PTPRN2: variants seen among roughly 807,000 people sequenced by gnomAD.
PTPRN2 encodes the protein receptor-type tyrosine-protein phosphatase N2.
A neutral mutation model predicts 118.8 loss-of-function variants in PTPRN2; 74 were observed. That is an observed-to-expected ratio of 0.62 (90% CI 0.52 to 0.76). The LOEUF is 0.76. PTPRN2 is among the 30% of genes least tolerant of loss of function. PTPRN2 has a pLI of 0.00. For missense variants in PTPRN2, 1,481 were observed against 1,394.4 expected, an observed-to-expected ratio of 1.06 and a Z score of -0.99; for synonymous variants, 641 against 608.0, an observed-to-expected ratio of 1.05 and a Z score of -0.80.
At chr7:158,329,427 G>A (rs1006303819) in intron 2 of PTPRN2, among the ~76,000 whole-genome samples, 1 of 152,226 alleles carries the variant, frequency 6.6e-6, no homozygotes, top group Non-Finnish European at 1.5e-5. Context: ...CCAGCCCCGG[G>A]TGCTGCTGTT....
chr7:158,151,123 C>T (rs1174609358), intron 6 of PTPRN2, among the ~76,000 whole-genome samples: 2 of 99,028 alleles, frequency 2.0e-5, no homozygotes, highest in African/African-American at 4.8e-5. Context: ...TACCCCTGCC[C>T]ACACCGCCCG....
At chr7:158,070,800 G>T (rs1811289967) in intron 11 of PTPRN2, among the ~76,000 whole-genome samples, 1 of 130,874 alleles carries the variant, frequency 7.6e-6, no homozygotes, top group Non-Finnish European at 1.6e-5. Flanking sequence ...TGGTGGAGGT[G>T]CCCGTGGTGG....
chr7:157,637,671 G>A (rs2150685572), intron 14 of PTPRN2, among the ~76,000 whole-genome samples: 1 of 152,314 alleles, frequency 6.6e-6, no homozygotes, highest in Admixed American at 6.5e-5. Flanking sequence ...CCCGACCCAG[G>A]AGAAGCAGCC....
At chr7:157,945,956 T>G (rs184732454) in intron 11 of PTPRN2, among the ~76,000 whole-genome samples, 11 of 152,168 alleles carry the variant, frequency 7.2e-5, no homozygotes, top group African/African-American at 2.6e-4. Flanking sequence ...CTGGGCCCAG[T>G]CCAGGTTCTG....
At chr7:157,715,871 C>A (rs972437430) in intron 12 of PTPRN2, among the ~76,000 whole-genome samples, 1 of 152,238 alleles carries the variant, frequency 6.6e-6, no homozygotes, top group Non-Finnish European at 1.5e-5. Context: ...GCACTCCAGG[C>A]AGGCTGCATG....
At chr7:158,328,621 G>C (rs1210153150) in intron 2 of PTPRN2, among the ~76,000 whole-genome samples, 1 of 151,892 alleles carries the variant, frequency 6.6e-6, no homozygotes, top group Admixed American at 6.6e-5. Flanking sequence ...CTTGTGTGAG[G>C]AGCAGGGCCC....
intron 3 of PTPRN2, among the ~76,000 whole-genome samples, chr7:158,276,090 A>T (rs1287684670): frequency 6.6e-6 from 1 of 152,094 alleles, no homozygotes; most frequent in Non-Finnish European, 1.5e-5. Flanking sequence ...AGCTGCCTCC[A>T]GGGGTGCGTC....
intron 11 of PTPRN2, among the ~76,000 whole-genome samples, chr7:157,939,441 G>C (rs774413268): frequency 2.6e-5 from 4 of 152,244 alleles, no homozygotes; most frequent in African/African-American, 4.8e-5. Flanking sequence ...TGCAGGAGAG[G>C]AGAGCTGGAC....
rs559202362 is a variant in PTPRN2 at position 157,743,116 on chromosome 7, C to A, written c.1789-60179G>T. The stretch of plus-strand genomic sequence containing the variant: ...AACCTTGTAATGAACGGACCACTCA[C>A]TGAGCCTGGGCAGCTCCCTGCATCT... On this transcript the variant is annotated intron_variant, in intron 12 of 22. Coordinates refer to ENST00000389418, the MANE Select transcript of PTPRN2 (RefSeq NM_002847.5). 1.2e-3 allele frequency among the ~76,000 whole-genome samples: 183 copies of A among 152,334 alleles called. 1 individual carries two copies. The highest frequency in any genetic ancestry group is 4.8e-3 in the South Asian group (23 of 4,826).
At chr7:158,347,331 G>C (rs1052768088) in intron 2 of PTPRN2, among the ~76,000 whole-genome samples, 5 of 152,020 alleles carry the variant, frequency 3.3e-5, no homozygotes, top group Non-Finnish European at 7.4e-5. Flanking sequence ...AGTTTTTCTG[G>C]CACCATTTAT....
At chr7:158,240,823 A>G (rs980930095) in intron 3 of PTPRN2, among the ~76,000 whole-genome samples, 1 of 152,270 alleles carries the variant, frequency 6.6e-6, no homozygotes, top group Non-Finnish European at 1.5e-5. Context: ...TTTTGCTAAC[A>G]GCAAAGAAGA....
At chr7:158,475,449 T>G (rs1820182915) in intron 2 of PTPRN2, among the ~76,000 whole-genome samples, 1 of 152,026 alleles carries the variant, frequency 6.6e-6, no homozygotes, top group Non-Finnish European at 1.5e-5. Context: ...AAGGTGACCT[T>G]GTGCACGCTT....
intron 11 of PTPRN2, among the ~76,000 whole-genome samples, chr7:157,992,128 G>A (rs1286040747): frequency 6.6e-6 from 1 of 152,238 alleles, no homozygotes; most frequent in Non-Finnish European, 1.5e-5. Context: ...TGTTTTTAAA[G>A]CCTCACTTTT....
chr7:157,694,085 T>C (rs1797655830), intron 12 of PTPRN2, among the ~76,000 whole-genome samples: 1 of 152,270 alleles, frequency 6.6e-6, no homozygotes, highest in South Asian at 2.1e-4. Flanking sequence ...GACCTGACAG[T>C]GAATACACAA....
chr7:158,417,136 G>A (rs983175962), intron 2 of PTPRN2, among the ~76,000 whole-genome samples: 3 of 151,966 alleles, frequency 2.0e-5, no homozygotes, highest in African/African-American at 7.3e-5. Flanking sequence ...AGCTCTCAGT[G>A]TCCTGGTGTA....
chr7:158,405,080 G>A (rs1262853350), intron 2 of PTPRN2, among the ~76,000 whole-genome samples: 7 of 138,606 alleles, frequency 5.1e-5, no homozygotes, highest in Admixed American at 2.9e-4. Flanking sequence ...CCAGCTCCTC[G>A]GCCTCAGCTC....
At chr7:158,261,633 A>G (rs191065958) in intron 3 of PTPRN2, among the ~76,000 whole-genome samples, 1 of 152,202 alleles carries the variant, frequency 6.6e-6, no homozygotes, top group Non-Finnish European at 1.5e-5. Flanking sequence ...GAGCACACGA[A>G]GAGGATAAAA....
rs867662879 is a variant in PTPRN2, at chr7:158,334,664, C to A, written c.164-17732G>T. On this transcript the variant is annotated intron_variant, in intron 2 of 22. Transcript: ENST00000389418. ...ACACTCTCACCATAATTGGTGACAC[C>A]TGCAGACGTCACTCACACCCACACT... Among the ~76,000 whole-genome samples, 414 of 78,468 alleles carry A rather than the reference C, an allele frequency of 5.3e-3. 6 individuals carry two copies. The highest frequency in any genetic ancestry group is 0.018 in the African/African-American group (387 of 21,426). 51.5% of individuals were successfully genotyped at this position (78,468 alleles called of 152,430 possible).
chr7:157,965,575 T>A (rs1801866374), intron 11 of PTPRN2, among the ~76,000 whole-genome samples: 1 of 152,080 alleles, frequency 6.6e-6, no homozygotes, highest in Non-Finnish European at 1.5e-5. Flanking sequence ...ACAGGGTGGC[T>A]CTCCCCAGTC....
Sources: allele counts gnomAD v4.1 joint callset (sites outside exome capture counted in the v4.1 genomes callset), GRCh38; gene constraint gnomAD v4.1.1; transcripts MANE v1.5; gene names NCBI Gene and HGNC (gene_info 2026-07-23, HGNC 2026-07-21).